LOXL2: variants seen among roughly 807,000 people sequenced by gnomAD.
The protein encoded by LOXL2 is lysyl oxidase homolog 2.
A neutral mutation model predicts 93.0 loss-of-function variants in LOXL2; 70 were observed. The ratio of observed to expected loss-of-function variants is 0.75; its 90% confidence interval spans 0.62 to 0.92. LOXL2 has a LOEUF of 0.92. Ranked by LOEUF, LOXL2 falls within the 40% of genes least tolerant of loss-of-function variation. LOXL2 has a pLI of 0.00. For missense variants in LOXL2, 973 were observed against 1,054.9 expected, an observed-to-expected ratio of 0.92 and a Z score of 1.08; for synonymous variants, 438 against 413.2, an observed-to-expected ratio of 1.06 and a Z score of -0.73.
chr8:23,385,769 T>C lies in LOXL2; in HGVS notation c.-83-17335A>G, dbSNP rs547152794. On this transcript the variant is annotated intron_variant, in intron 1 of 13. Coordinates refer to ENST00000389131, the MANE Select transcript of LOXL2 (RefSeq NM_002318.3). ...TCGTAGCCACTTTCCAAAAGTAGAA[T>C]AAAATAGATGAAATCAATGTTAAAG... 80 of 586,190 alleles carry C rather than the reference T, an allele frequency of 1.4e-4. No homozygotes were observed. The East Asian group carries it at 2.2e-3, about 16-fold the overall frequency. The allele number at this position is 586,190 out of a possible 1,614,324, so 36.3% of individuals were successfully genotyped here.
intron 1 of LOXL2, among the ~76,000 whole-genome samples, chr8:23,403,207 G>T (rs1236655914): frequency 6.6e-6 from 1 of 152,154 alleles, no homozygotes; most frequent in Non-Finnish European, 1.5e-5. Context: ...CTCAAGATTG[G>T]GATCAGCTGT....
intron 1 of LOXL2, among the ~76,000 whole-genome samples, chr8:23,398,759 A>C (rs1800124565): frequency 6.6e-6 from 1 of 151,984 alleles, no homozygotes; most frequent in African/African-American, 2.4e-5. Context: ...TCCTGGGCTC[A>C]AGCAATCTTC....
At chr8:23,372,216 TTTTTC>T (rs1200031836) in intron 1 of LOXL2, among the ~76,000 whole-genome samples, 183 of 96,158 alleles carry the variant, frequency 1.9e-3, no homozygotes, top group African/African-American at 9.3e-3. Flanking sequence ...TTTACATTTC[TTTTTC>T]TTTTTTTTTT....
intron 3 of LOXL2, among the ~76,000 whole-genome samples, chr8:23,343,514 T>C (rs1163128150): frequency 1.3e-5 from 2 of 152,216 alleles, no homozygotes; most frequent in African/African-American, 4.8e-5. Flanking sequence ...GCCCCAGCCC[T>C]GTCCAACTGA....
At chr8:23,344,037 A>G (rs1168640768) in intron 3 of LOXL2, among the ~76,000 whole-genome samples, 2 of 152,206 alleles carry the variant, frequency 1.3e-5, no homozygotes, top group Non-Finnish European at 2.9e-5. Flanking sequence ...GGCTCGCTGC[A>G]GGGAAGGTGT....
At chr8:23,309,234 C>T (rs889958467) in intron 10 of LOXL2, among the ~76,000 whole-genome samples, 4 of 152,064 alleles carry the variant, frequency 2.6e-5, no homozygotes, top group Admixed American at 6.5e-5. Context: ...CCGCCCGCCT[C>T]GGCCTCCCAA....
chr8:23,391,874 G>C (rs1340640628), intron 1 of LOXL2, among the ~76,000 whole-genome samples: 5 of 152,154 alleles, frequency 3.3e-5, no homozygotes, highest in Admixed American at 2.6e-4. Context: ...CTGGGCTGGA[G>C]GGAGTACAAA....
chr8:23,343,716 CA>C (rs1390231907), intron 3 of LOXL2, among the ~76,000 whole-genome samples: 4 of 152,174 alleles, frequency 2.6e-5, no homozygotes, highest in Non-Finnish European at 5.9e-5. Flanking sequence ...GGAATGCTGC[CA>C]GGGGCAGGAT....
intron 4 of LOXL2, 31 bp downstream of exon 4, chr8:23,340,961 C>T (rs1476952311): frequency 1.9e-6 from 3 of 1,590,094 alleles, no homozygotes; most frequent in African/African-American, 1.3e-5. Context: ...CGGATACCCT[C>T]AAAGCCACCC....
At chr8:23,306,076 G>A (rs545964831) in intron 10 of LOXL2, among the ~76,000 whole-genome samples, 2 of 152,282 alleles carry the variant, frequency 1.3e-5, no homozygotes, top group Admixed American at 6.5e-5. Context: ...CTCCCAAAGT[G>A]CTGTGATTAC....
At chr8:23,316,161 A>G (rs984251467) in intron 9 of LOXL2, among the ~76,000 whole-genome samples, 1 of 152,244 alleles carries the variant, frequency 6.6e-6, no homozygotes, top group African/African-American at 2.4e-5. Flanking sequence ...GCAGGATGAC[A>G]GTGCATCTTT....
intron 10 of LOXL2, among the ~76,000 whole-genome samples, chr8:23,305,771 C>T (rs1312928699): frequency 6.6e-6 from 1 of 152,034 alleles, no homozygotes; most frequent in Non-Finnish European, 1.5e-5. Flanking sequence ...CAAAAGAAGA[C>T]ACAGCCTTCT....
intron 1 of LOXL2, among the ~76,000 whole-genome samples, chr8:23,400,465 G>C (rs1302112236): frequency 6.6e-6 from 1 of 152,182 alleles, no homozygotes; most frequent in Non-Finnish European, 1.5e-5. Flanking sequence ...CTTTCATCGG[G>C]TCTTTCCTAC....
intron 3 of LOXL2, 36 bp downstream of exon 3, chr8:23,360,054 T>C: frequency 6.4e-7 from 1 of 1,573,894 alleles, no homozygotes; most frequent in African/African-American, 1.3e-5. Flanking sequence ...AGGAAAAATG[T>C]TTGCATGAAG....
chr8:23,358,902 T>C (rs1183359850), intron 3 of LOXL2, among the ~76,000 whole-genome samples: 1 of 149,602 alleles, frequency 6.7e-6, no homozygotes, highest in African/African-American at 2.5e-5. Flanking sequence ...AGTGCAGTGG[T>C]GCGATCTCAG....
chr8:23,346,132 T>TAA (rs1183179278), intron 3 of LOXL2, among the ~76,000 whole-genome samples: 4 of 28,774 alleles, frequency 1.4e-4, no homozygotes, highest in African/African-American at 4.3e-4. Flanking sequence ...TAAAATAAAA[T>TAA]AAAATAAAAT....
intron 1 of LOXL2, among the ~76,000 whole-genome samples, chr8:23,389,636 T>C (rs1804812084): frequency 6.6e-6 from 1 of 152,174 alleles, no homozygotes. Flanking sequence ...GAAAACACAT[T>C]GTAAAAATTA....
chr8:23,379,107 G>A (rs1804635639), intron 1 of LOXL2, among the ~76,000 whole-genome samples: 3 of 152,180 alleles, frequency 2.0e-5, no homozygotes, highest in Admixed American at 2.0e-4. Context: ...TACAGATGGG[G>A]TTTTGTGGTG....
In LOXL2 at chr8:23,313,979, G is replaced by T. The variant is rs202243137; in HGVS notation, c.1636+2970C>A. On this transcript the variant is annotated intron_variant, in intron 9 of 13. Transcript: ENST00000389131. ...AAAACAACCCCATCAAAAAGTGGGCGAAGGATATGAACAGACACTTCTCAA... is the reference window on the plus strand; with the variant it reads ...AAAACAACCCCATCAAAAAGTGGGCTAAGGATATGAACAGACACTTCTCAA... 1.8e-5 allele frequency among the ~76,000 whole-genome samples: 2 copies of T among 108,340 alleles called. 1 individual carries two copies. Among genetic ancestry groups the T allele is most frequent in the African/African-American group, 6.3e-5 (2 of 31,956 alleles). 71.1% of individuals were successfully genotyped at this position (108,340 alleles called of 152,430 possible).
Sources: allele counts gnomAD v4.1 joint callset (sites outside exome capture counted in the v4.1 genomes callset), GRCh38; gene constraint gnomAD v4.1.1; transcripts MANE v1.5; gene names NCBI Gene and HGNC (gene_info 2026-07-23, HGNC 2026-07-21).